The following PALM2AKAP2 variants were observed in gnomAD, a reference collection of about 807,000 sequenced individuals.
PALM2AKAP2 encodes PALM2-AKAP2 fusion protein.
Under a neutral mutation model 71.5 loss-of-function variants are expected in PALM2AKAP2, and 37 were observed. The observed-to-expected ratio is 0.52, with a 90% CI of 0.40 to 0.68. The LOEUF (loss-of-function observed/expected upper bound fraction) is 0.68. Among genes scored for constraint, PALM2AKAP2 ranks in the 30% least tolerant of loss-of-function variants. The pLI is 0.00. For missense variants in PALM2AKAP2, 1,224 were observed against 1,191.8 expected, an observed-to-expected ratio of 1.03 and a Z score of -0.40; for synonymous variants, 468 against 478.8, an observed-to-expected ratio of 0.98 and a Z score of 0.29.
chr9:109,780,681 CCTTTT>C (rs1829429434), intron 1 of PALM2AKAP2, 148 bp downstream of exon 1: 1 of 1,216,260 alleles, frequency 8.2e-7, no homozygotes, highest in Non-Finnish European at 1.2e-6. Flanking sequence ...AGCTAGGCTG[CCTTTT>C]CTTTTCTATG....
rs1277314554 is a variant in PALM2AKAP2 at position 109,799,520 on chromosome 9, G to T, written c.45+18987G>T. Among the ~76,000 whole-genome samples, 4 of 152,218 alleles carry T rather than the reference G, an allele frequency of 2.6e-5. No homozygotes were observed. In the East Asian group the frequency reaches 5.8e-4, roughly 22 times the overall value. ...TTGGGGAGTTTATTTTTGAGATGGG[G>T]TCTCACTCTGTTGCCCAGGCTGGAG... is the stretch of plus-strand genomic sequence containing the variant. On this transcript the variant is annotated intron_variant, in intron 1 of 9. Transcript: ENST00000302798.
chr9:109,913,955 A>G (rs943989840), intron 3 of PALM2AKAP2, among the ~76,000 whole-genome samples: 1 of 151,988 alleles, frequency 6.6e-6, no homozygotes, highest in African/African-American at 2.4e-5. Context: ...ATGGGGTTTC[A>G]CCATGTTAGC....
intron 1 of PALM2AKAP2, among the ~76,000 whole-genome samples, chr9:110,117,898 G>C (rs1054748834): frequency 5.3e-5 from 8 of 151,672 alleles, no homozygotes; most frequent in African/African-American, 7.3e-5. Context: ...GAGAACTATA[G>C]AGAGAGGGCA....
chr9:109,921,645 A>G (rs1175344037), intron 3 of PALM2AKAP2, among the ~76,000 whole-genome samples: 1 of 152,236 alleles, frequency 6.6e-6, no homozygotes, highest in Non-Finnish European at 1.5e-5. Context: ...CTGAGCTGAG[A>G]CTTCAAGAAT....
At chr9:109,929,425 G>C (rs1831038088) in intron 5 of PALM2AKAP2, among the ~76,000 whole-genome samples, 1 of 151,888 alleles carries the variant, frequency 6.6e-6, no homozygotes, top group Non-Finnish European at 1.5e-5. Context: ...CTCTTCCCAC[G>C]GACAATTGTC....
chr9:110,115,235 G>A (rs1479709101), intron 1 of PALM2AKAP2, among the ~76,000 whole-genome samples: 1 of 152,236 alleles, frequency 6.6e-6, no homozygotes, highest in Non-Finnish European at 1.5e-5. Flanking sequence ...AGGCAAGAGA[G>A]GTGTGAATCC....
intron 1 of PALM2AKAP2, among the ~76,000 whole-genome samples, chr9:109,733,223 C>G (rs965121424): frequency 1.3e-5 from 2 of 152,096 alleles, no homozygotes; most frequent in Non-Finnish European, 2.9e-5. Context: ...AAAATATATC[C>G]CTTACCTTAT....
intron 1 of PALM2AKAP2, among the ~76,000 whole-genome samples, chr9:109,690,922 T>A (rs1827873783): frequency 6.6e-6 from 1 of 152,130 alleles, no homozygotes; most frequent in Non-Finnish European, 1.5e-5. Flanking sequence ...ACTGGCCACT[T>A]CTCAGCATGA....
In PALM2AKAP2 at chr9:109,928,530, G is replaced by A. The variant is rs7030413; in HGVS notation, c.395-3397G>A. 2.2e-3 allele frequency among the ~76,000 whole-genome samples: 337 copies of A among 152,216 alleles called. 1 individual carries two copies. The highest frequency in any genetic ancestry group is 7.5e-3 in the African/African-American group (313 of 41,534). On this transcript the variant is annotated intron_variant, in intron 5 of 9. Transcript: ENST00000302798. The stretch of plus-strand genomic sequence containing the variant: ...GTTTTTCCCATTGAAGTTTTGGCAA[G>A]CCTGTTTGTTACTCTTTGTGCTGGC...
intron 6 of PALM2AKAP2, among the ~76,000 whole-genome samples, chr9:109,947,260 G>A (rs528558593): frequency 1.3e-5 from 2 of 152,306 alleles, no homozygotes; most frequent in South Asian, 4.1e-4. Flanking sequence ...ATTTCCTGCT[G>A]ATAAATGTAT....
At chr9:109,776,078 T>C (rs1343539391), upstream of PALM2AKAP2, among the ~76,000 whole-genome samples, 1 of 152,238 alleles carries the variant, frequency 6.6e-6, no homozygotes, top group African/African-American at 2.4e-5. Flanking sequence ...GGAGGGCAAA[T>C]AGTCACCAAT....
chr9:110,117,278 C>T (rs1349743384), intron 1 of PALM2AKAP2, among the ~76,000 whole-genome samples: 2 of 152,208 alleles, frequency 1.3e-5, no homozygotes, highest in South Asian at 4.1e-4. Flanking sequence ...TGCCACCATG[C>T]CCGGTTCATT....
chr9:109,704,342 C>T (rs987598855), intron 1 of PALM2AKAP2, among the ~76,000 whole-genome samples: 23 of 152,162 alleles, frequency 1.5e-4, no homozygotes, highest in African/African-American at 5.3e-4. Context: ...AATTACTTCC[C>T]TATGCACGAT....
intron 1 of PALM2AKAP2, among the ~76,000 whole-genome samples, chr9:109,768,262 T>C (rs943044758): frequency 1.3e-5 from 2 of 152,128 alleles, no homozygotes; most frequent in African/African-American, 4.8e-5. Flanking sequence ...CAGTTGATTG[T>C]CCTTTTAATG....
chr9:110,058,006 G>A (rs935320642), intron 1 of PALM2AKAP2, among the ~76,000 whole-genome samples: 4 of 152,132 alleles, frequency 2.6e-5, no homozygotes, highest in African/African-American at 9.7e-5. Flanking sequence ...GAATCTGATG[G>A]GTAGAGACCA....
intron 1 of PALM2AKAP2, among the ~76,000 whole-genome samples, chr9:109,725,918 A>G (rs1014282842): frequency 6.6e-6 from 1 of 152,210 alleles, no homozygotes; most frequent in Non-Finnish European, 1.5e-5. Flanking sequence ...CCTTTTGCTA[A>G]CATACCCTCT....
In PALM2AKAP2 at chr9:110,058,055, C is replaced by G. The variant is rs1833883543; in HGVS notation, c.156+9200C>G. Among the ~76,000 whole-genome samples, 3 of 152,244 alleles carry G rather than the reference C, an allele frequency of 2.0e-5. No individual in the cohort carries two copies. In the South Asian group the frequency reaches 6.2e-4, roughly 32 times the overall value. ...ACGCTCTATAACACACAGGACACCC[C>G]CTTCCACCAACAAAGAATTATCCTG... On this transcript the variant is annotated intron_variant, in intron 1 of 3. Transcript: ENST00000374525.
chr9:109,941,341 G>A (rs995755918), intron 6 of PALM2AKAP2, among the ~76,000 whole-genome samples: 2 of 152,134 alleles, frequency 1.3e-5, no homozygotes, highest in Non-Finnish European at 2.9e-5. Context: ...AGAGAGCAGA[G>A]GAGGGCCTGG....
rs1827516489 is a variant in PALM2AKAP2 at position 109,668,029 on chromosome 9, C to T, written c.5+27163C>T. 9.0e-5 allele frequency among the ~76,000 whole-genome samples: 2 copies of T among 22,134 alleles called. 1 individual carries two copies. Among genetic ancestry groups the T allele is most frequent in the South Asian group, 1.4e-3 (2 of 1,388 alleles). 14.5% of individuals were successfully genotyped at this position (22,134 alleles called of 152,430 possible). On this transcript the variant is annotated intron_variant, in intron 1 of 6. Transcript: ENST00000374531. ...TCGGCTCACTGCAAGCTCTGCCTCC[C>T]GGATTCACGCCATTCTCCTGCCTCA...
Sources: gnomAD v4.1 joint callset for allele counts (sites outside exome capture counted in the v4.1 genomes callset) on GRCh38, gnomAD v4.1.1 for gene constraint, MANE v1.5 for transcripts, NCBI Gene and HGNC (gene_info 2026-07-23, HGNC 2026-07-21) for gene names.